The following CEP72 variants were observed in gnomAD, a reference collection of about 807,000 sequenced individuals.
CEP72 encodes the protein centrosomal protein 72.
Under a neutral mutation model 65.7 loss-of-function variants are expected in CEP72, and 78 were observed. That is an observed-to-expected ratio of 1.19 (90% confidence interval 0.99 to 1.43). CEP72 has a LOEUF of 1.43. CEP72 is among the 40% of genes most tolerant of loss of function. CEP72 has a pLI of 0.00. For synonymous variants in CEP72, 358 were observed against 351.7 expected (o/e 1.02, Z -0.20); for missense variants, 914 against 832.9 (o/e 1.10, Z -1.20).
rs761353805 is a variant in CEP72 at position 612,424 on chromosome 5, A to C, written c.63A>C (p.Leu21Phe). 1 of 1,469,068 alleles carries C rather than the reference A, an allele frequency of 6.8e-7. No homozygotes were observed. Among genetic ancestry groups the C allele is most frequent in the South Asian group, 1.3e-5 (1 of 77,736 alleles). 91.0% of individuals were successfully genotyped at this position (1,469,068 alleles called of 1,614,324 possible). ...SEEAVRAKSG[L>F]GPHRDLAELQ... ...AGGCGGTTCGGGCGAAGAGCGGCTT[A>C]GGGCCTCACCGCGACCTGGGTGCGC... The change falls in exon 1 of 12, where the codon TTA becomes TTC. Residue 21 changes from leucine to phenylalanine, a missense_variant. By Grantham distance (22) the Leu-to-Phe change is conservative. Transcript: ENST00000264935.
chr5:638,457 G>A (rs1264406119), intron 7 of CEP72, among the ~76,000 whole-genome samples: 1 of 151,950 alleles, frequency 6.6e-6, no homozygotes, highest in African/African-American at 2.4e-5. Flanking sequence ...TTGCCACAAC[G>A]AGGGCTTCAG....
At chr5:670,653 G>A (rs764396942), downstream of CEP72, among the ~76,000 whole-genome samples, 5 of 152,092 alleles carry the variant, frequency 3.3e-5, no homozygotes, top group African/African-American at 4.8e-5. Flanking sequence ...ACGTCGCTCC[G>A]AGTTCTCACT....
At chr5:621,605 G>A (rs1252209357) in intron 3 of CEP72, among the ~76,000 whole-genome samples, 1 of 152,236 alleles carries the variant, frequency 6.6e-6, no homozygotes, top group East Asian at 1.9e-4. Context: ...CACACCAGAG[G>A]TGGGAAAACA....
chr5:619,787 T>C (rs531520397), intron 2 of CEP72, among the ~76,000 whole-genome samples: 2 of 152,316 alleles, frequency 1.3e-5, no homozygotes, highest in African/African-American at 4.8e-5. Flanking sequence ...TAAATGAAAT[T>C]GTGCGTGCAC....
At chr5:634,372 C>T (rs539593446) in intron 5 of CEP72, among the ~76,000 whole-genome samples, 53 of 152,310 alleles carry the variant, frequency 3.5e-4, no homozygotes, top group African/African-American at 1.2e-3. Context: ...ACTCCGTTGC[C>T]CGGTGGCACT....
In CEP72 at chr5:642,508, T is replaced by A. The variant is rs1738124236; in HGVS notation, c.1540-1791T>A. On this transcript the variant is annotated intron_variant, in intron 9 of 11. Coordinates refer to ENST00000264935, the MANE Select transcript of CEP72 (RefSeq NM_018140.4). ...CAGTCAGGCACACCCCTTGCCCTTC[T>A]GAGCCTGGGACGAGACAGAGCTGAC... 6 of 985,500 alleles carry A rather than the reference T, an allele frequency of 6.1e-6. No homozygotes were observed. In the South Asian group the frequency reaches 2.8e-4, roughly 46 times the overall value. The allele number at this position is 985,500 out of a possible 1,614,324, so 61.0% of individuals were successfully genotyped here.
In CEP72 at chr5:639,074, T is replaced by C; in HGVS notation, c.1207-15T>C. ...TTACTGACTCGCTGGCCTCATGCTG[T>C]TGTTTCCATCACAGCCGTCTCCCGG... On this transcript the variant is annotated splice_polypyrimidine_tract_variant and intron_variant, in intron 7 of 11. Transcript: ENST00000264935. 6.2e-7 allele frequency: 1 copy of C among 1,613,206 alleles called. No homozygotes were observed. Among genetic ancestry groups the C allele is most frequent in the Admixed American group, 1.7e-5 (1 of 60,014 alleles).
At chr5:674,951 G>C in the CEP72 span, among the ~76,000 whole-genome samples, 1 of 151,066 alleles carries the variant, frequency 6.6e-6, no homozygotes, top group African/African-American at 2.4e-5. Context: ...TCCTGAGGGA[G>C]GTGCAGCCCT....
the CEP72 span, among the ~76,000 whole-genome samples, chr5:674,666 G>C: frequency 6.6e-6 from 1 of 152,052 alleles, no homozygotes; most frequent in Admixed American, 6.5e-5. Flanking sequence ...GCCAGCAGCT[G>C]GCTGGGGCCA....
chr5:619,600 G>A (rs1345409072), intron 2 of CEP72, among the ~76,000 whole-genome samples: 1 of 152,214 alleles, frequency 6.6e-6, no homozygotes, highest in Non-Finnish European at 1.5e-5. Flanking sequence ...TGAGCCTGGT[G>A]CCTGAGCATT....
downstream of CEP72, among the ~76,000 whole-genome samples, chr5:672,104 G>A (rs564783540): frequency 6.6e-6 from 1 of 152,368 alleles, no homozygotes; most frequent in Admixed American, 6.5e-5. Context: ...CTCCTGGGAG[G>A]TGGTTGGGTT....
At chr5:637,207 C>G (rs891503265) in intron 6 of CEP72, among the ~76,000 whole-genome samples, 3 of 152,230 alleles carry the variant, frequency 2.0e-5, no homozygotes, top group Non-Finnish European at 4.4e-5. Flanking sequence ...CGTCGGTCAT[C>G]ACGGGGTGAA....
At chr5:648,579 ACTGTGAGG>A (rs1273859086) in intron 11 of CEP72, among the ~76,000 whole-genome samples, 8 of 123,604 alleles carry the variant, frequency 6.5e-5, no homozygotes, top group African/African-American at 2.6e-4. Context: ...GTGAGGTGTG[ACTGTGAGG>A]TGTGACTGTG....
downstream of CEP72, among the ~76,000 whole-genome samples, chr5:671,310 TTGG>T (rs1740215359): frequency 6.6e-6 from 1 of 152,086 alleles, no homozygotes; most frequent in Non-Finnish European, 1.5e-5. Context: ...GAGGTGGCCC[TTGG>T]TGGGACGTGG....
downstream of CEP72, among the ~76,000 whole-genome samples, chr5:670,366 C>T (rs935724115): frequency 6.6e-6 from 1 of 152,328 alleles, no homozygotes; most frequent in South Asian, 2.1e-4. Context: ...CTGGAGTGCC[C>T]TGTCCAGAGG....
chr5:668,137 G>A (rs531565859), downstream of CEP72, among the ~76,000 whole-genome samples: 46 of 126,446 alleles, frequency 3.6e-4, 2 homozygotes, highest in South Asian at 6.1e-4. Flanking sequence ...AGGGGTCCGC[G>A]TGGGCCCCGT....
chr5:667,101 C>CA (rs1457879820), exon 5 of CEP72: 4 of 152,214 alleles, frequency 2.6e-5, no homozygotes, highest in African/African-American at 7.2e-5. Context: ...TTCCAGAAGT[C>CA]AGTGAGCAGA....
chr5:635,272 A>G, intron 5 of CEP72, 100 bp from the exon 6 acceptor site: 1 of 901,262 alleles, frequency 1.1e-6, no homozygotes, highest in South Asian at 1.7e-5. Flanking sequence ...CCTCGGTCTA[A>G]CAGATACCAT....
chr5:634,000 T>G (rs1305293492), intron 5 of CEP72, 53 bp downstream of exon 5: 2 of 1,551,590 alleles, frequency 1.3e-6, no homozygotes, highest in Non-Finnish European at 8.8e-7. Context: ...CTGGGATATA[T>G]ATAGTCGTTA....
Sources: allele counts gnomAD v4.1 joint callset (sites outside exome capture counted in the v4.1 genomes callset), GRCh38; gene constraint gnomAD v4.1.1; transcripts MANE v1.5; gene names NCBI Gene and HGNC (gene_info 2026-07-23, HGNC 2026-07-21).